The following NOTCH2 variants were observed in gnomAD, a reference collection of about 807,000 sequenced individuals.
The protein encoded by NOTCH2 is neurogenic locus notch homolog protein 2.
In NOTCH2, 29 loss-of-function variants were observed where a neutral mutation model predicts 235.8. The observed-to-expected ratio is 0.12, with a 90% CI of 0.09 to 0.17. The LOEUF is 0.17. Ranked by LOEUF, NOTCH2 falls within the 10% of genes least tolerant of loss-of-function variation. The probability of loss-of-function intolerance (pLI) is 1.00; values close to 1 mark genes in which losing one functional copy is unlikely to be tolerated. For missense variants in NOTCH2, 2,285 were observed against 3,150.2 expected (o/e 0.73, Z 6.57); for synonymous variants, 1,086 against 1,141.5 (o/e 0.95, Z 0.98).
At chr1:119,930,358 C>T (rs1570667754) in intron 22 of NOTCH2, among the ~76,000 whole-genome samples, 1 of 150,516 alleles carries the variant, frequency 6.6e-6, no homozygotes, top group African/African-American at 2.5e-5. Context: ...CCATTTAAAA[C>T]AGGACTAATT....
Position 119,932,312 on chromosome 1 carries a change from G to C in NOTCH2, c.3656-3100C>G, listed in dbSNP as rs587754305. On this transcript the variant is annotated intron_variant, in intron 22 of 33. Coordinates refer to ENST00000256646, the MANE Select transcript of NOTCH2 (RefSeq NM_024408.4). ...AAAATATTGAGGAAGTTCAGGCTGG[G>C]TGTGGTGGCTCACGCCTGTCATCCC... 2.0e-5 allele frequency among the ~76,000 whole-genome samples: 3 copies of C among 152,328 alleles called. No individual in the cohort carries two copies. The South Asian group carries it at 6.2e-4, about 32-fold the overall frequency.
intron 9 of NOTCH2, 31 bp from the exon 10 acceptor site, chr1:119,965,597 A>T: frequency 7.1e-7 from 1 of 1,406,972 alleles, no homozygotes; most frequent in Non-Finnish European, 1.0e-6. Flanking sequence ...ACATGAGTCA[A>T]AGGATTATCT....
chr1:119,951,980 G>A (rs1361953983), intron 14 of NOTCH2, among the ~76,000 whole-genome samples: 2 of 152,208 alleles, frequency 1.3e-5, no homozygotes, highest in African/African-American at 4.8e-5. Context: ...ATTAATGGCT[G>A]AAATACAGTC....
intron 1 of NOTCH2, among the ~76,000 whole-genome samples, chr1:120,041,954 G>T (rs1211937787): frequency 4.1e-5 from 6 of 146,460 alleles, no homozygotes; most frequent in African/African-American, 1.6e-4. Flanking sequence ...AAAGGAGAGA[G>T]AGAAAGGAAA....
At chr1:119,923,060 G>A (rs1416747699) in intron 26 of NOTCH2, among the ~76,000 whole-genome samples, 2 of 152,230 alleles carry the variant, frequency 1.3e-5, no homozygotes, top group East Asian at 3.8e-4. Context: ...GTGAGAAGCT[G>A]TGCTTTCCTC....
intron 4 of NOTCH2, chr1:119,996,542 A>C: frequency 1.5e-6 from 1 of 660,216 alleles, no homozygotes; most frequent in Non-Finnish European, 2.8e-6. Context: ...TTAGGTGGAT[A>C]AGAAAACAAT....
chr1:119,975,863 C>T (rs1651561854), intron 5 of NOTCH2, among the ~76,000 whole-genome samples: 1 of 152,144 alleles, frequency 6.6e-6, no homozygotes. Flanking sequence ...GCAAGGGCCC[C>T]ACCCACAAAC....
chr1:119,918,314 C>T, intron 32 of NOTCH2, 92 bp downstream of exon 32: 1 of 1,384,374 alleles, frequency 7.2e-7, no homozygotes, highest in Non-Finnish European at 1.0e-6. Context: ...ATTTGGATCT[C>T]AGGCAGTTCT....
chr1:119,986,630 A>G lies in NOTCH2; in HGVS notation c.874+330T>C, dbSNP rs74115515. Among the ~76,000 whole-genome samples the G allele has an allele frequency of 1.3e-3, 195 of 152,302 alleles. 3 individuals carry two copies. Among genetic ancestry groups the G allele is most frequent in the African/African-American group, 4.4e-3 (183 of 41,574 alleles). The stretch of plus-strand genomic sequence containing the variant: ...AATTTTTCCTCTTTAATATTTATTA[A>G]GCATCTACTATGTTCCAGGTAATGT... On this transcript the variant is annotated intron_variant, in intron 5 of 33. Coordinates refer to ENST00000256646, the MANE Select transcript of NOTCH2 (RefSeq NM_024408.4).
chr1:120,042,010 C>A (rs1476335965), intron 1 of NOTCH2, among the ~76,000 whole-genome samples: 2 of 145,352 alleles, frequency 1.4e-5, no homozygotes, highest in African/African-American at 2.8e-5. Context: ...AGCAAGCGAG[C>A]GAGCGAACGA....
intron 1 of NOTCH2, among the ~76,000 whole-genome samples, chr1:120,037,183 A>AT (rs1553212027): frequency 6.6e-6 from 1 of 152,072 alleles, no homozygotes. Context: ...ATCGGAAGGT[A>AT]TTTTAACGTC....
intron 5 of NOTCH2, among the ~76,000 whole-genome samples, chr1:119,985,098 G>A: frequency 6.6e-6 from 1 of 152,124 alleles, no homozygotes; most frequent in East Asian, 1.9e-4. Context: ...AAGGAGACTG[G>A]GGAAGCAGAC....
rs1310193487 is a variant in NOTCH2 at position 119,955,250 on chromosome 1, A to G, written c.2027-18T>C. 2.5e-6 allele frequency: 4 copies of G among 1,612,526 alleles called. No homozygotes were observed. Among genetic ancestry groups the G allele is most frequent in the Admixed American group, 3.3e-5 (2 of 59,998 alleles). On this transcript the variant is annotated intron_variant, in intron 12 of 33. Coordinates refer to ENST00000256646, the MANE Select transcript of NOTCH2 (RefSeq NM_024408.4). ...TCTCTGCCCTGTGGAGAAGGGGGAC[A>G]GTGTTAGTCACATCCTAAATGCTTA...
At chr1:119,964,649 G>T (rs1253895728) in intron 10 of NOTCH2, among the ~76,000 whole-genome samples, 1 of 152,144 alleles carries the variant, frequency 6.6e-6, no homozygotes, top group Non-Finnish European at 1.5e-5. Context: ...TCTGTGATCA[G>T]AAATAAATTA....
intron 5 of NOTCH2, 28 bp downstream of exon 5, chr1:119,986,932 T>G (rs1402088301): frequency 2.5e-6 from 4 of 1,613,098 alleles, no homozygotes; most frequent in Non-Finnish European, 2.5e-6. Flanking sequence ...CATATCCCAT[T>G]CTGGTGGATT....
intron 12 of NOTCH2, among the ~76,000 whole-genome samples, chr1:119,957,921 T>G (rs587665050): frequency 6.7e-6 from 1 of 148,628 alleles, no homozygotes; most frequent in Non-Finnish European, 1.5e-5. Context: ...GTAGTGGGAA[T>G]GAGCATGGGC....
intron 9 of NOTCH2, 62 bp from the exon 10 acceptor site, chr1:119,965,628 G>T: frequency 8.6e-7 from 1 of 1,157,410 alleles, no homozygotes; most frequent in Non-Finnish European, 1.3e-6. Context: ...TTTACCATGA[G>T]AATGATGTTA....
chr1:119,917,106 TAAG>T (rs1252973871), intron 33 of NOTCH2, among the ~76,000 whole-genome samples: 2 of 151,204 alleles, frequency 1.3e-5, no homozygotes, highest in Non-Finnish European at 2.9e-5. Context: ...GAGTTAGAAA[TAAG>T]AAAGGTAGGA....
chr1:120,010,701 C>A (rs1347875885), intron 2 of NOTCH2, among the ~76,000 whole-genome samples: 2 of 152,228 alleles, frequency 1.3e-5, no homozygotes, highest in African/African-American at 2.4e-5. Flanking sequence ...AACAAAAGAA[C>A]AGTCTTCAAT....
Sources: gnomAD v4.1 joint callset for allele counts (sites outside exome capture counted in the v4.1 genomes callset) on GRCh38, gnomAD v4.1.1 for gene constraint, MANE v1.5 for transcripts, NCBI Gene and HGNC (gene_info 2026-07-23, HGNC 2026-07-21) for gene names.